FANK1: variants seen among roughly 807,000 people sequenced by gnomAD.
FANK1 encodes the protein fibronectin type III and ankyrin repeat domains 1, also known as fibronectin type 3 and ankyrin repeat domains protein 1.
In FANK1, 44 loss-of-function variants were observed where a neutral mutation model predicts 45.3. The ratio of observed to expected loss-of-function variants is 0.97; its 90% CI spans 0.76 to 1.25. The LOEUF is 1.25. Ranked by LOEUF, FANK1 falls within the 50% of genes most tolerant of loss-of-function variation. FANK1 has a pLI of 0.00. For missense variants in FANK1, 391 were observed against 424.4 expected (o/e 0.92, Z 0.69); for synonymous variants, 149 against 152.5 (o/e 0.98, Z 0.17).
chr10:126,000,762 T>C (rs1270964025), intron 6 of FANK1, among the ~76,000 whole-genome samples: 1 of 152,154 alleles, frequency 6.6e-6, no homozygotes, highest in Non-Finnish European at 1.5e-5. Context: ...CAGGGAAATA[T>C]TTACAAATGT....
intron 7 of FANK1, among the ~76,000 whole-genome samples, 188 bp from the exon 8 acceptor site, chr10:126,008,219 C>T (rs549987987): frequency 9.9e-5 from 15 of 152,166 alleles, no homozygotes; most frequent in African/African-American, 2.9e-4. Flanking sequence ...ATGAAGAAGC[C>T]GGTGGGGAGA....
chr10:125,898,900 T>G (rs943105246), intron 1 of FANK1, among the ~76,000 whole-genome samples: 7 of 150,448 alleles, frequency 4.7e-5, no homozygotes, highest in South Asian at 2.1e-4. Context: ...TTTTGTTGTT[T>G]TTTTTTTTTT....
At chr10:125,936,847 C>A (rs1948132200) in intron 1 of FANK1, among the ~76,000 whole-genome samples, 1 of 152,064 alleles carries the variant, frequency 6.6e-6, no homozygotes, top group Admixed American at 6.6e-5. Flanking sequence ...GTGGGTGGAT[C>A]ACCCGAGGTT....
At chr10:125,942,752 A>T (rs561674209) in intron 1 of FANK1, among the ~76,000 whole-genome samples, 1 of 151,012 alleles carries the variant, frequency 6.6e-6, no homozygotes, top group Non-Finnish European at 1.5e-5. Flanking sequence ...TGCTACTTCT[A>T]TTTGAAGTTT....
intron 8 of FANK1, 62 bp from the exon 9 acceptor site, chr10:126,008,992 C>T (rs1953450289): frequency 1.3e-6 from 2 of 1,524,648 alleles, no homozygotes; most frequent in Admixed American, 1.7e-5. Context: ...GGCTCATGCC[C>T]CCTGCTGTGT....
At chr10:125,936,926 G>A (rs1249646434) in intron 1 of FANK1, among the ~76,000 whole-genome samples, 1 of 152,012 alleles carries the variant, frequency 6.6e-6, no homozygotes, top group Admixed American at 6.6e-5. Flanking sequence ...AATTAGCCAG[G>A]CGTGGTGGTG....
intron 1 of FANK1, among the ~76,000 whole-genome samples, chr10:125,928,227 A>G (rs1436378768): frequency 6.6e-6 from 1 of 151,160 alleles, no homozygotes; most frequent in African/African-American, 2.4e-5. Flanking sequence ...TTATTTCTAG[A>G]TAATATGCTA....
chr10:125,960,282 T>C, intron 1 of FANK1: 1 of 302,688 alleles, frequency 3.3e-6, no homozygotes, highest in Non-Finnish European at 6.6e-6. Flanking sequence ...CTTTCAGGCA[T>C]TCTGCATGCA....
intron 1 of FANK1, among the ~76,000 whole-genome samples, chr10:125,948,247 C>G (rs1238601826): frequency 6.6e-6 from 1 of 150,728 alleles, no homozygotes; most frequent in Non-Finnish European, 1.5e-5. Context: ...TAGCAGAAGG[C>G]AAGAAATAAC....
intron 1 of FANK1, among the ~76,000 whole-genome samples, chr10:125,904,034 A>T (rs1166538750): frequency 6.6e-6 from 1 of 151,632 alleles, no homozygotes; most frequent in Non-Finnish European, 1.5e-5. Context: ...CTAATTTTTT[A>T]TTTTTTTGAA....
At chr10:125,975,960 G>A (rs993125912) in intron 1 of FANK1, among the ~76,000 whole-genome samples, 1 of 152,096 alleles carries the variant, frequency 6.6e-6, no homozygotes, top group Non-Finnish European at 1.5e-5. Flanking sequence ...GTATCAGCTG[G>A]TAGCGGTCTT....
At chr10:125,918,281 G>T (rs1946621913) in intron 1 of FANK1, among the ~76,000 whole-genome samples, 1 of 151,802 alleles carries the variant, frequency 6.6e-6, no homozygotes, top group Non-Finnish European at 1.5e-5. Context: ...AATCGGGCTG[G>T]GCACAGTGGC....
intron 1 of FANK1, among the ~76,000 whole-genome samples, chr10:125,910,682 C>T (rs1466561275): frequency 6.6e-6 from 1 of 152,150 alleles, no homozygotes; most frequent in Non-Finnish European, 1.5e-5. Flanking sequence ...TGAATCAGTC[C>T]ACTGCTGATG....
chr10:125,974,484 A>T (rs1358747781), intron 1 of FANK1, among the ~76,000 whole-genome samples: 2 of 152,218 alleles, frequency 1.3e-5, no homozygotes, highest in African/African-American at 4.8e-5. Flanking sequence ...GAAGTGTAAG[A>T]CATGGACCCA....
intron 2 of FANK1, among the ~76,000 whole-genome samples, chr10:125,984,060 G>A (rs537906869): frequency 6.6e-6 from 1 of 152,172 alleles, no homozygotes; most frequent in African/African-American, 2.4e-5. Context: ...TGAGATACGG[G>A]ATGTGAGAGA....
chr10:125,994,455 G>A (rs1952167579), intron 3 of FANK1: 1 of 985,320 alleles, frequency 1.0e-6, no homozygotes, highest in Non-Finnish European at 1.2e-6. Flanking sequence ...GCCGTTTGCG[G>A]ATGAGGGGCT....
At chr10:126,004,569 C>T (rs931996056) in intron 6 of FANK1, 7 of 271,588 alleles carry the variant, frequency 2.6e-5, no homozygotes, top group Non-Finnish European at 5.0e-5. Context: ...CTAGTTCTGT[C>T]TTGCAGATGT....
chr10:125,904,999 T>C (rs1358954086), intron 1 of FANK1, among the ~76,000 whole-genome samples: 1 of 151,574 alleles, frequency 6.6e-6, no homozygotes, highest in East Asian at 1.9e-4. Flanking sequence ...GGTGTGGTGG[T>C]GGGCGCCTGT....
At chr10:125,993,051 C>A (rs1270152971) in intron 3 of FANK1, among the ~76,000 whole-genome samples, 1 of 152,144 alleles carries the variant, frequency 6.6e-6, no homozygotes, top group Non-Finnish European at 1.5e-5. Flanking sequence ...AACTGGGCGA[C>A]CTTGGACAAC....
Sources: gnomAD v4.1 joint callset for allele counts (sites outside exome capture counted in the v4.1 genomes callset) on GRCh38, gnomAD v4.1.1 for gene constraint, MANE v1.5 for transcripts, NCBI Gene and HGNC (gene_info 2026-07-23, HGNC 2026-07-21) for gene names.